THAP9: variants seen among roughly 807,000 people sequenced by gnomAD.
THAP9 encodes the protein THAP domain containing 9, also known as DNA transposase THAP9.
Under a neutral mutation model 35.7 loss-of-function variants are expected in THAP9, and 20 were observed. The ratio of observed to expected loss-of-function variants is 0.56; its 90% CI spans 0.39 to 0.81. The LOEUF (loss-of-function observed/expected upper bound fraction) is 0.81. Ranked by LOEUF, THAP9 falls within the 40% of genes least tolerant of loss-of-function variation. The pLI is 0.00. For missense variants in THAP9, 870 were observed against 1,047.4 expected (o/e 0.83, Z 2.34); for synonymous variants, 335 against 373.7 (o/e 0.90, Z 1.19).
chr4:82,916,781 G>T (rs1721045500), intron 4 of THAP9, among the ~76,000 whole-genome samples, 163 bp from the exon 5 acceptor site: 1 of 152,144 alleles, frequency 6.6e-6, no homozygotes. Flanking sequence ...CTATTTTATT[G>T]TAACGATGAA....
rs778698755 is a variant in THAP9, at chr4:82,917,183, T to C, written c.971T>C (p.Leu324Ser). 3.7e-6 allele frequency: 6 copies of C among 1,614,126 alleles called. No homozygotes were observed. Among genetic ancestry groups the C allele is most frequent in the Non-Finnish European group, 5.1e-6 (6 of 1,179,992 alleles). The change falls in exon 5 of 5, where the codon TTA becomes TCA. Residue 324 changes from leucine (L) to serine (S), a missense_variant. Transcript: ENST00000302236. ...ETPLASETVL[L>S]MAVGIFGHWR... ...CCACTTGCTTCAGAAACTGTTTTGT[T>C]AATGGCAGTGGGTATTTTTGGCCAT...
chr4:82,909,632 AT>A (rs1720791786), intron 4 of THAP9, among the ~76,000 whole-genome samples: 1 of 152,132 alleles, frequency 6.6e-6, no homozygotes, highest in African/African-American at 2.4e-5. Context: ...GCTATTGGAC[AT>A]TTCTATTGTT....
chr4:82,902,962 G>A (rs1380491644), intron 1 of THAP9, among the ~76,000 whole-genome samples: 4 of 152,170 alleles, frequency 2.6e-5, no homozygotes, highest in Admixed American at 1.3e-4. Flanking sequence ...CTTAAATACA[G>A]GTTTTCCAAT....
chr4:82,908,528 A>G (rs930135400), intron 4 of THAP9, among the ~76,000 whole-genome samples: 3 of 152,216 alleles, frequency 2.0e-5, no homozygotes, highest in African/African-American at 7.2e-5. Flanking sequence ...TTTTCTAGTA[A>G]TGTCTTATAA....
rs770342225 is a variant in THAP9 at position 82,917,763 on chromosome 4, G to A, written c.1551G>A (p.Leu517=). Residue 517 remains leucine, a synonymous_variant, in exon 5 of 5, where the codon CTG becomes CTA. Transcript: ENST00000302236. ...TIHFLRLINN[L]FDIFNSRNCY... ...ATTTTTTACGTTTAATTAACAATCT[G>A]TTTGACATCTTTAATAGTAGGAACT... The A allele has an allele frequency of 2.3e-5, 37 of 1,613,864 alleles. No homozygotes were observed. The highest frequency in any genetic ancestry group is 3.1e-5 in the Non-Finnish European group (37 of 1,179,928).
intron 1 of THAP9, among the ~76,000 whole-genome samples, chr4:82,901,492 C>G (rs1398849023): frequency 1.3e-5 from 2 of 151,862 alleles, no homozygotes; most frequent in Admixed American, 6.6e-5. Context: ...TAGATCCTCA[C>G]AGACAAAAGG....
intron 1 of THAP9, among the ~76,000 whole-genome samples, chr4:82,902,105 CTTTTTTTTTT>C (rs768693634): frequency 9.6e-6 from 1 of 104,498 alleles, no homozygotes; most frequent in Non-Finnish European, 1.8e-5. Context: ...CATTTTCCTT[CTTTTTTTTTT>C]TTTTTTTTTT....
In THAP9 at chr4:82,919,795, GT is replaced by G. The variant is rs1721177725; in HGVS notation, c.*874del. 6.6e-6 allele frequency: 1 copy of G among 152,230 alleles called. No homozygotes were observed. The highest frequency in any genetic ancestry group is 2.1e-4 in the South Asian group (1 of 4,836). 9.4% of individuals were successfully genotyped at this position (152,230 alleles called of 1,614,324 possible). On this transcript the variant is annotated 3_prime_UTR_variant, in exon 5 of 5. Transcript: ENST00000302236. ...AACTCTACTTTCACAAATGAGGATA[GT>G]TTAACGGATAGAAGAAACAAGCACA... is the stretch of plus-strand genomic sequence containing the variant.
chr4:82,902,276 T>C (rs1451213481), intron 1 of THAP9, among the ~76,000 whole-genome samples: 2 of 151,566 alleles, frequency 1.3e-5, no homozygotes, highest in Non-Finnish European at 2.9e-5. Context: ...TTTTTTTTTT[T>C]TGGTAGAGAT....
intron 4 of THAP9, chr4:82,910,857 G>A (rs1051949148): frequency 3.3e-6 from 1 of 299,962 alleles, no homozygotes; most frequent in Non-Finnish European, 7.2e-6. Flanking sequence ...GCAAGATGAA[G>A]GTCATTGATG....
intron 4 of THAP9, 63 bp downstream of exon 4, chr4:82,907,998 C>T (rs1720723155): frequency 2.7e-6 from 4 of 1,465,546 alleles, no homozygotes; most frequent in Non-Finnish European, 2.8e-6. Context: ...TTGTTGATTG[C>T]ATGTTAATTA....
chr4:82,905,999 T>G (rs1238338893), intron 2 of THAP9: 6 of 460,154 alleles, frequency 1.3e-5, no homozygotes, highest in Non-Finnish European at 2.2e-5. Context: ...CTCTGTCACC[T>G]TCATTAACCA....
At chr4:82,901,602 G>A (rs1398150427) in intron 1 of THAP9, among the ~76,000 whole-genome samples, 1 of 152,122 alleles carries the variant, frequency 6.6e-6, no homozygotes, top group Non-Finnish European at 1.5e-5. Context: ...AGGATAGAAA[G>A]TGCAAATATA....
chr4:82,901,165 T>C (rs1227920903), intron 1 of THAP9: 1 of 650,216 alleles, frequency 1.5e-6, no homozygotes, highest in Non-Finnish European at 2.8e-6. Flanking sequence ...GATGGTCTTA[T>C]TATTTGAAGT....
intron 1 of THAP9, 96 bp downstream of exon 1, chr4:82,900,978 G>A: frequency 7.0e-7 from 1 of 1,425,608 alleles, no homozygotes; most frequent in Non-Finnish European, 9.7e-7. Context: ...ACTGTGGGTC[G>A]CGCCGCGTGT....
intron 4 of THAP9, among the ~76,000 whole-genome samples, chr4:82,912,635 A>T (rs181138894): frequency 1.1e-3 from 168 of 152,362 alleles, no homozygotes; most frequent in Non-Finnish European, 1.7e-3. Flanking sequence ...GTAAATATGA[A>T]TTGCACAATT....
At chr4:82,906,784 C>G (rs1720665740) in intron 3 of THAP9, among the ~76,000 whole-genome samples, 157 bp downstream of exon 3, 1 of 152,094 alleles carries the variant, frequency 6.6e-6, no homozygotes, top group Admixed American at 6.5e-5. Context: ...CACCAAAATT[C>G]TTTTGTATCT....
intron 4 of THAP9, among the ~76,000 whole-genome samples, chr4:82,914,614 T>C (rs959037092): frequency 6.6e-6 from 1 of 152,216 alleles, no homozygotes; most frequent in Non-Finnish European, 1.5e-5. Flanking sequence ...GTTGGTGGCA[T>C]GTATGTCTTT....
intron 1 of THAP9, among the ~76,000 whole-genome samples, chr4:82,901,710 ATTT>A (rs34317153): frequency 6.7e-6 from 1 of 148,976 alleles, no homozygotes; most frequent in African/African-American, 2.4e-5. Context: ...AAATTCATTG[ATTT>A]TTTTTTTTTT....
Sources: allele counts gnomAD v4.1 joint callset (sites outside exome capture counted in the v4.1 genomes callset), GRCh38; gene constraint gnomAD v4.1.1; transcripts MANE v1.5; gene names NCBI Gene and HGNC (gene_info 2026-07-23, HGNC 2026-07-21).